Variants in TMEM178B observed in about 807,000 individuals in gnomAD.
The protein encoded by TMEM178B is transmembrane protein 178B.
TMEM178B carries 5 observed loss-of-function variants against 31.0 expected under a neutral mutation model. The ratio of observed to expected loss-of-function variants is 0.16; its 90% CI spans 0.08 to 0.34. The LOEUF (loss-of-function observed/expected upper bound fraction) is 0.34. Among genes scored for constraint, TMEM178B ranks in the 10% least tolerant of loss-of-function variants. The pLI is 1.00. For missense variants in TMEM178B, 275 were observed against 400.3 expected (o/e 0.69, Z 2.67); for synonymous variants, 164 against 164.0 (o/e 1.00, Z 0.00).
intron 2 of TMEM178B, among the ~76,000 whole-genome samples, chr7:141,239,043 C>A (rs987405826): frequency 2.6e-5 from 4 of 152,050 alleles, no homozygotes; most frequent in Non-Finnish European, 5.9e-5. Context: ...CTGCAGGAGC[C>A]GGTAGGAGCT....
chr7:141,110,796 T>C (rs939192876), intron 1 of TMEM178B, among the ~76,000 whole-genome samples: 10 of 152,140 alleles, frequency 6.6e-5, no homozygotes, highest in African/African-American at 2.4e-4. Context: ...TAATTGAGAT[T>C]AAATGAGGTT....
At chr7:141,446,134 AAT>A in intron 3 of TMEM178B, among the ~76,000 whole-genome samples, 1 of 152,186 alleles carries the variant, frequency 6.6e-6, no homozygotes, top group Admixed American at 6.5e-5. Context: ...CCTCACGTAG[AAT>A]GAGTGGCCAG....
intron 1 of TMEM178B, among the ~76,000 whole-genome samples, chr7:141,184,747 C>T (rs534311179): frequency 9.7e-4 from 148 of 152,322 alleles, no homozygotes; most frequent in Middle Eastern, 3.4e-3. Flanking sequence ...TGGAATCCCC[C>T]TCTCCTCACT....
At chr7:141,327,473 G>A (rs568954090) in intron 2 of TMEM178B, among the ~76,000 whole-genome samples, 40 of 152,128 alleles carry the variant, frequency 2.6e-4, no homozygotes, top group African/African-American at 8.7e-4. Context: ...AGCCTACATT[G>A]GAACATTATT....
chr7:141,153,845 C>T (rs998855660), intron 1 of TMEM178B, among the ~76,000 whole-genome samples: 5 of 152,050 alleles, frequency 3.3e-5, no homozygotes, highest in Non-Finnish European at 5.9e-5. Context: ...TTATCATGTA[C>T]TTTCATTTTT....
intron 2 of TMEM178B, among the ~76,000 whole-genome samples, chr7:141,289,727 AAAAAG>A (rs1307329042): frequency 4.2e-4 from 64 of 151,532 alleles, no homozygotes; most frequent in Middle Eastern, 3.4e-3. Context: ...AAAAAAAAAA[AAAAAG>A]AAAAAAGAAA....
rs147263898 is a variant in TMEM178B, at chr7:141,335,677, G to A, written c.497-101931G>A. ...ATTGCCTCACCTCTCCCCCATTAGC[G>A]CAATTTGATGGGATCTTGTTGGCAT... On this transcript the variant is annotated intron_variant, in intron 2 of 3. Transcript: ENST00000565468. Among the ~76,000 whole-genome samples the A allele has an allele frequency of 4.7e-3, 721 of 152,114 alleles. 6 individuals carry two copies. The highest frequency in any genetic ancestry group is 0.017 in the African/African-American group (691 of 41,464).
chr7:141,154,987 C>T (rs1485962963), intron 1 of TMEM178B, among the ~76,000 whole-genome samples: 1 of 152,098 alleles, frequency 6.6e-6, no homozygotes, highest in African/African-American at 2.4e-5. Context: ...GCCTCAGCCT[C>T]CCAAAGTGCT....
intron 3 of TMEM178B, among the ~76,000 whole-genome samples, chr7:141,439,810 C>T (rs1203300424): frequency 6.6e-6 from 1 of 152,170 alleles, no homozygotes; most frequent in East Asian, 1.9e-4. Context: ...GCATTTGAGG[C>T]TCCTTCATGG....
At chr7:141,204,664 G>A (rs900170584) in intron 1 of TMEM178B, among the ~76,000 whole-genome samples, 6 of 152,166 alleles carry the variant, frequency 3.9e-5, no homozygotes, top group Non-Finnish European at 8.8e-5. Flanking sequence ...ATATGGCTTC[G>A]GAGAAGAGAG....
chr7:141,216,448 T>TGTGTGC lies in TMEM178B; in HGVS notation c.496+3745_496+3746insTGTGCG, dbSNP rs1415593747. Among the ~76,000 whole-genome samples the TGTGTGC allele has an allele frequency of 5.9e-5, 8 of 135,922 alleles. 1 individual carries two copies. The highest frequency in any genetic ancestry group is 2.3e-4 in the African/African-American group (8 of 34,358). The allele number at this position is 135,922 out of a possible 152,430, so 89.2% of individuals were successfully genotyped here. ...CTGTGTGTGTGTGTGTGTGTGTGTG[T>TGTGTGC]GCGCGCGCGCGCGCGTGTGTGTGTG... On this transcript the variant is annotated intron_variant, in intron 2 of 3. Coordinates refer to ENST00000565468, the MANE Select transcript of TMEM178B (RefSeq NM_001195278.2).
intron 2 of TMEM178B, among the ~76,000 whole-genome samples, chr7:141,312,469 A>G (rs1798928082): frequency 6.6e-6 from 1 of 152,228 alleles, no homozygotes; most frequent in African/African-American, 2.4e-5. Flanking sequence ...TCCCAAGGAA[A>G]GGTAAAATGG....
At chr7:141,093,576 A>G (rs951896831) in intron 1 of TMEM178B, among the ~76,000 whole-genome samples, 3 of 152,208 alleles carry the variant, frequency 2.0e-5, no homozygotes, top group African/African-American at 7.2e-5. Flanking sequence ...GAAAGAGATC[A>G]CCTAGAGAGG....
intron 1 of TMEM178B, among the ~76,000 whole-genome samples, chr7:141,174,940 T>A (rs537373986): frequency 6.6e-6 from 1 of 152,364 alleles, no homozygotes; most frequent in South Asian, 2.1e-4. Context: ...TAGTTTCTTT[T>A]GCTGTGCAGA....
intron 1 of TMEM178B, among the ~76,000 whole-genome samples, chr7:141,198,606 G>T (rs1186790297): frequency 6.6e-6 from 1 of 152,178 alleles, no homozygotes; most frequent in Non-Finnish European, 1.5e-5. Flanking sequence ...AAAAGTGCCA[G>T]ACTGGCCTCC....
At chr7:141,257,038 A>G (rs1322400772) in intron 2 of TMEM178B, among the ~76,000 whole-genome samples, 1 of 152,306 alleles carries the variant, frequency 6.6e-6, no homozygotes, top group East Asian at 1.9e-4. Flanking sequence ...AGATGAGAGC[A>G]GCCCAACAAC....
At chr7:141,180,795 A>G (rs1389979798) in intron 1 of TMEM178B, among the ~76,000 whole-genome samples, 2 of 152,166 alleles carry the variant, frequency 1.3e-5, no homozygotes, top group Admixed American at 1.3e-4. Flanking sequence ...CTTGTCTCCT[A>G]ATTCCTCTGG....
chr7:141,389,458 T>G (rs2116601523), intron 2 of TMEM178B, among the ~76,000 whole-genome samples: 1 of 152,316 alleles, frequency 6.6e-6, no homozygotes, highest in East Asian at 1.9e-4. Flanking sequence ...AGAAGGTACA[T>G]CTGTACACAA....
chr7:141,351,780 C>A (rs955685634), intron 2 of TMEM178B, among the ~76,000 whole-genome samples: 1 of 152,130 alleles, frequency 6.6e-6, no homozygotes. Context: ...TTAGCACCCC[C>A]CAACTTCAGA....
Sources: allele counts gnomAD v4.1 joint callset (sites outside exome capture counted in the v4.1 genomes callset), GRCh38; gene constraint gnomAD v4.1.1; transcripts MANE v1.5; gene names NCBI Gene and HGNC (gene_info 2026-07-23, HGNC 2026-07-21).